RYR3: variants seen among roughly 807,000 people sequenced by gnomAD.
RYR3 encodes the protein ryanodine receptor 3.
A neutral mutation model predicts 584.3 loss-of-function variants in RYR3; 207 were observed. That is an observed-to-expected ratio of 0.35 (90% CI 0.32 to 0.40). The LOEUF (loss-of-function observed/expected upper bound fraction) is 0.40, where lower values mean the gene tolerates loss of function less well. Among genes scored for constraint, RYR3 ranks in the 10% least tolerant of loss-of-function variants. RYR3 has a pLI of 1.00. For missense variants in RYR3, 5,616 were observed against 6,089.2 expected, an observed-to-expected ratio of 0.92 and a Z score of 2.59; for synonymous variants, 2,416 against 2,248.5, an observed-to-expected ratio of 1.07 and a Z score of -2.11.
At chr15:33,751,957 GT>G (rs1209187036) in intron 57 of RYR3, among the ~76,000 whole-genome samples, 4 of 152,176 alleles carry the variant, frequency 2.6e-5, no homozygotes, top group Non-Finnish European at 5.9e-5. Context: ...GGGCTAGCCA[GT>G]TTTCCCAGCA....
At position 33,696,396 on chromosome 15, in the gene RYR3, C is replaced by T. The variant is rs2065868288; in HGVS notation, c.6039C>T (p.Asp2013=). ...TYTISHTSVS[D]TINLLAALGQ... is the part of the protein sequence containing the mutation. ...CCATCAGCCACACCTCTGTAAGCGA[C>T]ACCATCAACCTGCTGGCTGCCCTGG... is the stretch of plus-strand genomic sequence containing the variant. The change falls in exon 39 of 104, where the codon GAC becomes GAT. Residue 2013 remains aspartate (D), a synonymous_variant. Coordinates refer to ENST00000634891, the MANE Select transcript of RYR3 (RefSeq NM_001036.6). The T allele has an allele frequency of 6.2e-7, 1 of 1,613,986 alleles. No individual in the cohort carries two copies. Among genetic ancestry groups the T allele is most frequent in the Non-Finnish European group, 8.5e-7 (1 of 1,179,894 alleles).
At chr15:33,385,710 C>CTTTTTTTTTTTTTTGTTTTCTTTTTT (rs10682215) in intron 1 of RYR3, among the ~76,000 whole-genome samples, 1 of 131,402 alleles carries the variant, frequency 7.6e-6, no homozygotes, top group African/African-American at 2.9e-5. Context: ...TTTTTCTTTT[C>CTTTTTTTTTTTTTTGTTTTCTTTTTT]TTTTTTTTTT....
chr15:33,529,761 G>C (rs2054698774), intron 3 of RYR3, among the ~76,000 whole-genome samples: 1 of 152,158 alleles, frequency 6.6e-6, no homozygotes, highest in Admixed American at 6.5e-5. Context: ...AGAATTTTCT[G>C]TAGATTTCCA....
In RYR3 at chr15:33,854,460, C is replaced by G. The variant is rs962991010; in HGVS notation, c.13860+11C>G. ...GTTTTTACTGACAACGTAAGTACTG[C>G]ACCTGGAAAAACAAAATTCTATACC... On this transcript the variant is annotated intron_variant, in intron 97 of 103. Transcript: ENST00000634891. 4 of 1,554,248 alleles carry G rather than the reference C, an allele frequency of 2.6e-6. No individual in the cohort carries two copies. In the South Asian group the frequency reaches 3.6e-5, roughly 14 times the overall value.
At chr15:33,810,914 C>A in intron 71 of RYR3, 64 bp from the exon 72 acceptor site, 1 of 1,363,460 alleles carries the variant, frequency 7.3e-7, no homozygotes, top group Non-Finnish European at 1.0e-6. Flanking sequence ...CCATACATCC[C>A]CATATGCTAC....
At chr15:33,597,718 T>G (rs2059444090) in intron 16 of RYR3, among the ~76,000 whole-genome samples, 3 of 152,128 alleles carry the variant, frequency 2.0e-5, no homozygotes, top group Admixed American at 2.0e-4. Context: ...AACAGGAACT[T>G]TAAAAAGCAT....
intron 43 of RYR3, among the ~76,000 whole-genome samples, chr15:33,711,533 G>A (rs1253270032): frequency 2.0e-5 from 3 of 152,050 alleles, no homozygotes; most frequent in East Asian, 1.9e-4. Flanking sequence ...ATGAGCCACC[G>A]CACCCGGCTA....
chr15:33,716,745 T>C (rs1653888419), intron 43 of RYR3, among the ~76,000 whole-genome samples: 1 of 152,318 alleles, frequency 6.6e-6, no homozygotes, highest in South Asian at 2.1e-4. Flanking sequence ...TAACTGAGTG[T>C]CTTGGCAGTG....
intron 38 of RYR3, among the ~76,000 whole-genome samples, chr15:33,672,140 G>T (rs1224807408): frequency 6.6e-6 from 1 of 152,106 alleles, no homozygotes; most frequent in Non-Finnish European, 1.5e-5. Context: ...TTAACAGAGA[G>T]TTTGTCATGG....
Position 33,613,304 on chromosome 15 carries a change from G to T in RYR3, c.2286G>T (p.Val762=), listed in dbSNP as rs370168429. The T allele has an allele frequency of 1.9e-6, 3 of 1,613,888 alleles. No individual in the cohort carries two copies. The African/African-American group carries it at 4.0e-5, about 22-fold the overall frequency. ...CATTCCGCATCAATGGGCAGCCCGT[G>T]CAGGGGATGTTTGAGAACTTCAACA... ...SISFRINGQP[V]QGMFENFNTD... Residue 762 remains valine (V), a synonymous_variant, in exon 19 of 104, where the codon GTG becomes GTT. Transcript: ENST00000634891.
chr15:33,396,035 G>C (rs2042275801), intron 1 of RYR3, among the ~76,000 whole-genome samples: 1 of 152,192 alleles, frequency 6.6e-6, no homozygotes, highest in Middle Eastern at 3.4e-3. Flanking sequence ...CGAGTGAGTG[G>C]GTGAGTCTTC....
intron 1 of RYR3, among the ~76,000 whole-genome samples, chr15:33,460,638 A>G (rs1271899319): frequency 1.3e-5 from 2 of 152,244 alleles, no homozygotes; most frequent in East Asian, 1.9e-4. Context: ...TGCATGATAC[A>G]TTAAGGAATA....
intron 100 of RYR3, 137 bp from the exon 101 acceptor site, chr15:33,860,456 AAC>A (rs1887762977): frequency 1.8e-6 from 1 of 545,886 alleles, no homozygotes; most frequent in African/African-American, 1.9e-5. Flanking sequence ...AACACAAAGA[AAC>A]ACGAGTATTA....
Position 33,771,311 on chromosome 15 carries a change from G to T in RYR3, c.8817-609G>T, listed in dbSNP as rs145106487. 5.2e-3 allele frequency among the ~76,000 whole-genome samples: 785 copies of T among 152,300 alleles called. 11 individuals carry two copies. Among genetic ancestry groups the T allele is most frequent in the African/African-American group, 0.017 (700 of 41,566 alleles). On this transcript the variant is annotated intron_variant, in intron 62 of 103. Transcript: ENST00000634891. ...AGCACTTTGGGAGGCCAAGGCGGGC[G>T]GATCACCAGGTCAAGAATTGGAGAC...
chr15:33,376,462 C>T (rs568444527), intron 1 of RYR3, among the ~76,000 whole-genome samples: 15 of 152,280 alleles, frequency 9.9e-5, no homozygotes, highest in Admixed American at 9.2e-4. Flanking sequence ...TGTTTCATTT[C>T]TCATGGGATA....
intron 1 of RYR3, among the ~76,000 whole-genome samples, chr15:33,436,617 C>T (rs1313991359): frequency 6.6e-6 from 1 of 151,794 alleles, no homozygotes; most frequent in Non-Finnish European, 1.5e-5. Flanking sequence ...TCTCCTGCCT[C>T]AGGCTCCCAA....
At chr15:33,405,971 A>G (rs1205913597) in intron 1 of RYR3, among the ~76,000 whole-genome samples, 2 of 152,184 alleles carry the variant, frequency 1.3e-5, no homozygotes, top group South Asian at 2.1e-4. Flanking sequence ...TCCCTTCTCT[A>G]TAATCCATAT....
intron 3 of RYR3, among the ~76,000 whole-genome samples, chr15:33,504,767 C>G (rs1351417031): frequency 6.6e-6 from 1 of 152,198 alleles, no homozygotes; most frequent in East Asian, 1.9e-4. Flanking sequence ...CCAGCGACAT[C>G]GAATTCCTCT....
At chr15:33,559,135 TA>T (rs1367324755) in intron 10 of RYR3, among the ~76,000 whole-genome samples, 1 of 152,052 alleles carries the variant, frequency 6.6e-6, no homozygotes, top group Non-Finnish European at 1.5e-5. Context: ...GGTTTGCATA[TA>T]AAAGGTGAGT....
Sources: allele counts gnomAD v4.1 joint callset (sites outside exome capture counted in the v4.1 genomes callset), GRCh38; gene constraint gnomAD v4.1.1; transcripts MANE v1.5; gene names NCBI Gene and HGNC (gene_info 2026-07-23, HGNC 2026-07-21).